Variants in ASMTL observed in about 807,000 individuals in gnomAD.
ASMTL encodes the protein probable bifunctional dTTP/UTP pyrophosphatase/methyltransferase protein.
ASMTL carries 57 observed loss-of-function variants against 60.3 expected under a neutral mutation model. That is an observed-to-expected ratio of 0.95 (90% CI 0.76 to 1.18). The LOEUF is 1.18. Among genes scored for constraint, ASMTL ranks in the 50% most tolerant of loss-of-function variants. The pLI, the probability that ASMTL is intolerant of heterozygous loss-of-function variation, is 0.00. For missense variants in ASMTL, 981 were observed against 852.6 expected, an observed-to-expected ratio of 1.15 and a Z score of -1.88; for synonymous variants, 419 against 373.0, an observed-to-expected ratio of 1.12 and a Z score of -1.42.
At chrX:1,438,766 C>G (rs1162917262) in intron 3 of ASMTL, among the ~76,000 whole-genome samples, 2 of 152,110 alleles carry the variant, frequency 1.3e-5, no homozygotes, top group African/African-American at 2.4e-5. Flanking sequence ...ACTTATGATA[C>G]TATCAATTAG....
chrX:1,451,032 C>T (rs1327245935), intron 1 of ASMTL, among the ~76,000 whole-genome samples: 1 of 141,122 alleles, frequency 7.1e-6, no homozygotes, highest in African/African-American at 2.6e-5. Context: ...TTTCTCCATT[C>T]CTAGGGGGTC....
Position 1,434,931 on chromosome X carries a change from C to T in ASMTL, c.400+91G>A, listed in dbSNP as rs764446958. 26 of 1,427,842 alleles carry T rather than the reference C, an allele frequency of 1.8e-5. No individual in the cohort carries two copies. The South Asian group carries it at 2.8e-4, about 15-fold the overall frequency. The allele number at this position is 1,427,842 out of a possible 1,614,324, so 88.4% of individuals were successfully genotyped here. On this transcript the variant is annotated intron_variant, in intron 5 of 12. Transcript: ENST00000381317. Reference sequence around the variant, plus strand: ...CCCCTCCACAGGTGGGGGTGAGCAACCGTCCTCCTCCCTCAAGCCAAGGGT... The same window carrying T: ...CCCCTCCACAGGTGGGGGTGAGCAATCGTCCTCCTCCCTCAAGCCAAGGGT...
At chrX:1,404,153 A>C (rs1375126425) in intron 12 of ASMTL, among the ~76,000 whole-genome samples, 1 of 145,306 alleles carries the variant, frequency 6.9e-6, no homozygotes. Flanking sequence ...TAGATGGTAG[A>C]TGATGGGTAC....
chrX:1,435,865 T>A lies in ASMTL; in HGVS notation c.274-107A>T. On this transcript the variant is annotated intron_variant, in intron 3 of 12. Coordinates refer to ENST00000381317, the MANE Select transcript of ASMTL (RefSeq NM_004192.4). ...GTCACTTGTTTTATGGAAATGAAGC[T>A]GACACGTCCTGAGAGTCGCCATTTC... 4.2e-6 allele frequency: 4 copies of A among 951,988 alleles called. No homozygotes were observed. The South Asian group carries it at 5.2e-5, about 12-fold the overall frequency. 59.0% of individuals were successfully genotyped at this position (951,988 alleles called of 1,614,324 possible).
intron 9 of ASMTL, 49 bp from the exon 10 acceptor site, chrX:1,419,163 C>A (rs759625867): frequency 1.1e-5 from 18 of 1,593,660 alleles, no homozygotes; most frequent in Non-Finnish European, 1.4e-5. Context: ...GGGGCGAGGG[C>A]TCGCCCAGCC....
chrX:1,406,362 G>T (rs1370249432), intron 12 of ASMTL, among the ~76,000 whole-genome samples: 1 of 148,464 alleles, frequency 6.7e-6, no homozygotes, highest in African/African-American at 2.5e-5. Context: ...GGATGGATAG[G>T]TGAATAGATG....
chrX:1,439,153 A>G lies in ASMTL; in HGVS notation c.226-9T>C, dbSNP rs1431453566. 1.1e-5 allele frequency: 18 copies of G among 1,613,886 alleles called. No individual in the cohort carries two copies. Among genetic ancestry groups the G allele is most frequent in the Non-Finnish European group, 1.4e-5 (16 of 1,179,856 alleles). ...GGGGCCCGCAGGTCTTTCTGTAAGA[A>G]AACCAGATTCCGGTTTACCGGTGAC... On this transcript the variant is annotated splice_polypyrimidine_tract_variant and intron_variant, in intron 2 of 12. Coordinates refer to ENST00000381317, the MANE Select transcript of ASMTL (RefSeq NM_004192.4).
chrX:1,419,255 T>G, intron 9 of ASMTL, 141 bp from the exon 10 acceptor site: 1 of 924,326 alleles, frequency 1.1e-6, no homozygotes, highest in Non-Finnish European at 1.6e-6. Flanking sequence ...GCGGGCTTCA[T>G]GCCACAGCTG....
rs757520983 is a variant in ASMTL, at chrX:1,417,992, C to T, written c.1503G>A (p.Val501=). 1.9e-6 allele frequency: 3 copies of T among 1,612,232 alleles called. No homozygotes were observed. Among genetic ancestry groups the T allele is most frequent in the Non-Finnish European group, 2.5e-6 (3 of 1,179,022 alleles). Residue 501 remains valine, a synonymous_variant, in exon 11 of 13, where the codon GTG becomes GTA. Coordinates refer to ENST00000381317, the MANE Select transcript of ASMTL (RefSeq NM_004192.4). ...AHFQPPGPQA[V]QIHFAAGDFF... ...GCTCACCTGCTGCGAAGTGGATCTG[C>T]ACTGCCTGCGGTCCGGGGGGTTGGA...
intron 12 of ASMTL, among the ~76,000 whole-genome samples, chrX:1,410,935 C>G (rs367985588): frequency 1.3e-5 from 2 of 151,636 alleles, no homozygotes; most frequent in South Asian, 4.2e-4. Context: ...CCTGTAATCC[C>G]AACACTTTGG....
At chrX:1,424,167 T>G (rs2090548840) in intron 8 of ASMTL, among the ~76,000 whole-genome samples, 2 of 136,190 alleles carry the variant, frequency 1.5e-5, no homozygotes, top group Admixed American at 7.2e-5. Context: ...CACTCATCCA[T>G]CCATCCATCC....
Position 1,418,118 on chromosome X carries a change from T to C in ASMTL, c.1379-2A>G. The C allele has an allele frequency of 6.3e-7, 1 of 1,595,526 alleles. No individual in the cohort carries two copies. Among genetic ancestry groups the C allele is most frequent in the Non-Finnish European group, 8.6e-7 (1 of 1,168,770 alleles). On this transcript the variant is annotated splice_acceptor_variant, in intron 10 of 12. Coordinates refer to ENST00000381317, the MANE Select transcript of ASMTL (RefSeq NM_004192.4). LOFTEE classifies it high-confidence loss of function. ...CTCGGGCCAGTGCACCCGTGCAGCCTGCGGGGAAGCAAATGCATGCTCTGT... is the reference window on the plus strand; with the variant it reads ...CTCGGGCCAGTGCACCCGTGCAGCCCGCGGGGAAGCAAATGCATGCTCTGT...
intron 11 of ASMTL, 34 bp from the exon 12 acceptor site, chrX:1,412,888 G>A (rs1333579324): frequency 6.2e-7 from 1 of 1,613,118 alleles, no homozygotes; most frequent in Admixed American, 1.7e-5. Flanking sequence ...ACGTCCGTCA[G>A]GTATGGAAGA....
At chrX:1,443,880 C>T (rs760741270) in intron 1 of ASMTL, among the ~76,000 whole-genome samples, 134 of 152,220 alleles carry the variant, frequency 8.8e-4, no homozygotes, top group African/African-American at 2.0e-3. Flanking sequence ...ACACCGCCGT[C>T]GTGGACAGAC....
chrX:1,416,833 GCA>G (rs1569532201), intron 11 of ASMTL, among the ~76,000 whole-genome samples: 7 of 142,406 alleles, frequency 4.9e-5, no homozygotes, highest in Admixed American at 2.1e-4. Context: ...ATACAGATGG[GCA>G]CACAGACATG....
chrX:1,422,254 T>C (rs1343555959), intron 8 of ASMTL, among the ~76,000 whole-genome samples: 1 of 152,104 alleles, frequency 6.6e-6, no homozygotes, highest in Non-Finnish European at 1.5e-5. Flanking sequence ...TTAAGGAGAT[T>C]AACCCCCCAA....
intron 1 of ASMTL, among the ~76,000 whole-genome samples, chrX:1,446,204 G>C (rs1425353649): frequency 1.3e-5 from 2 of 152,088 alleles, no homozygotes; most frequent in Admixed American, 6.6e-5. Context: ...CTGCCTCGGC[G>C]GCCAGGCAGG....
chrX:1,440,697 G>T (rs1283685076), intron 2 of ASMTL, among the ~76,000 whole-genome samples: 1 of 152,164 alleles, frequency 6.6e-6, no homozygotes, highest in Non-Finnish European at 1.5e-5. Flanking sequence ...ACTCCGGGAG[G>T]CCGAGGCGGG....
Position 1,434,925 on chromosome X carries a change from G to T in ASMTL, c.400+97C>A, listed in dbSNP as rs760951200. On this transcript the variant is annotated intron_variant, in intron 5 of 12. Transcript: ENST00000381317. ...CACAAACCCCTCCACAGGTGGGGGT[G>T]AGCAACCGTCCTCCTCCCTCAAGCC... 162 of 1,361,296 alleles carry T rather than the reference G, an allele frequency of 1.2e-4. 2 individuals carry two copies. In the African/African-American group the frequency reaches 1.8e-3, roughly 15 times the overall value. 84.3% of individuals were successfully genotyped at this position (1,361,296 alleles called of 1,614,324 possible).
Sources: allele counts gnomAD v4.1 joint callset (sites outside exome capture counted in the v4.1 genomes callset), GRCh38; gene constraint gnomAD v4.1.1; transcripts MANE v1.5; gene names NCBI Gene and HGNC (gene_info 2026-07-23, HGNC 2026-07-21).